Variants in TENM3 observed in about 807,000 individuals in gnomAD.
The protein encoded by TENM3 is teneurin-3.
Under a neutral mutation model 255.1 loss-of-function variants are expected in TENM3, and 63 were observed. The observed-to-expected ratio is 0.25, with a 90% CI of 0.20 to 0.30. The LOEUF (loss-of-function observed/expected upper bound fraction) is 0.30. Ranked by LOEUF, TENM3 falls within the 10% of genes least tolerant of loss-of-function variation. The probability of loss-of-function intolerance (pLI) is 1.00; values close to 1 mark genes in which losing one functional copy is unlikely to be tolerated. For synonymous variants in TENM3, 1,306 were observed against 1,322.3 expected (o/e 0.99, Z 0.27); for missense variants, 2,929 against 3,461.1 (o/e 0.85, Z 3.86).
At chr4:182,339,036 A>G (rs1026972415) in intron 2 of TENM3, among the ~76,000 whole-genome samples, 1 of 152,176 alleles carries the variant, frequency 6.6e-6, no homozygotes, top group Non-Finnish European at 1.5e-5. Context: ...TCATTTCCCC[A>G]GTGTTCCCCC....
the TENM3 span, among the ~76,000 whole-genome samples, chr4:181,867,535 A>C: frequency 6.6e-6 from 1 of 152,110 alleles, no homozygotes; most frequent in Admixed American, 6.6e-5. Context: ...TGTTTGCTTA[A>C]TTTCCTTGAA....
At chr4:182,082,736 G>T in the TENM3 span, among the ~76,000 whole-genome samples, 39 of 152,160 alleles carry the variant, frequency 2.6e-4, no homozygotes, top group Admixed American at 1.6e-3. Context: ...ATGATGCCAC[G>T]TGTGTTTTCA....
At chr4:182,599,653 ATTCAT>A (rs1319534318) in intron 3 of TENM3, among the ~76,000 whole-genome samples, 2 of 152,200 alleles carry the variant, frequency 1.3e-5, no homozygotes, top group Admixed American at 6.5e-5. Flanking sequence ...CATATTATGT[ATTCAT>A]TTCATGCAAA....
chr4:182,530,467 C>CTGCA (rs1456027882), intron 3 of TENM3, among the ~76,000 whole-genome samples: 1 of 152,196 alleles, frequency 6.6e-6, no homozygotes, highest in Non-Finnish European at 1.5e-5. Context: ...CAAGTAAGTG[C>CTGCA]TGCAGCACTC....
In TENM3 at chr4:182,736,840, A is replaced by G. The variant is rs1761210671; in HGVS notation, c.3000A>G (p.Thr1000=). 1.9e-6 allele frequency: 3 copies of G among 1,613,674 alleles called. No individual in the cohort carries two copies. Among genetic ancestry groups the G allele is most frequent in the East Asian group, 4.5e-5 (2 of 44,864 alleles). Residue 1000 remains threonine, a synonymous_variant, in exon 17 of 28, where the codon ACA becomes ACG. Coordinates refer to ENST00000511685, the MANE Select transcript of TENM3 (RefSeq NM_001080477.4). The part of the protein sequence containing the change: ...VLHEETTIPG[T]DLKLSYLSSR... Reference sequence around the variant, plus strand: ...ACGAGGAAACTACAATTCCAGGAACAGATTTGAAACTCTCCTACTTGAGTT... The same window carrying G: ...ACGAGGAAACTACAATTCCAGGAACGGATTTGAAACTCTCCTACTTGAGTT...
chr4:182,064,439 G>T, the TENM3 span, among the ~76,000 whole-genome samples: 1 of 152,002 alleles, frequency 6.6e-6, no homozygotes, highest in Non-Finnish European at 1.5e-5. Flanking sequence ...TTAGCCGGGC[G>T]TGGTGGCGGG....
chr4:181,814,573 T>C, the TENM3 span, among the ~76,000 whole-genome samples: 1 of 143,078 alleles, frequency 7.0e-6, no homozygotes, highest in Non-Finnish European at 1.5e-5. Context: ...TTACAACACA[T>C]ATATTTTTAA....
intron 24 of TENM3, 89 bp downstream of exon 24, chr4:182,775,242 C>G (rs529090067): frequency 8.8e-7 from 1 of 1,140,448 alleles, no homozygotes; most frequent in Non-Finnish European, 1.3e-6. Flanking sequence ...CTGCTCACCC[C>G]CCTATGTCTA....
intron 3 of TENM3, among the ~76,000 whole-genome samples, chr4:182,570,402 A>C (rs1744240145): frequency 6.6e-6 from 1 of 152,242 alleles, no homozygotes; most frequent in African/African-American, 2.4e-5. Flanking sequence ...ACTCCCAGGC[A>C]CAAGTCACAT....
intron 15 of TENM3, 42 bp downstream of exon 15, chr4:182,730,361 A>G (rs201361815): frequency 6.2e-7 from 1 of 1,608,112 alleles, no homozygotes; most frequent in East Asian, 2.2e-5. Flanking sequence ...GATTTGAAAT[A>G]TAAAAACTAG....
At chr4:181,475,399 C>A in the TENM3 span, among the ~76,000 whole-genome samples, 10 of 152,048 alleles carry the variant, frequency 6.6e-5, no homozygotes, top group Non-Finnish European at 1.0e-4. Context: ...TGACAGAAAA[C>A]GTAAAAATCA....
chr4:182,630,601 G>T (rs1751268889), intron 5 of TENM3, among the ~76,000 whole-genome samples: 2 of 152,078 alleles, frequency 1.3e-5, no homozygotes. Context: ...ATGCATGCTG[G>T]ACTTAATACC....
chr4:181,992,202 C>T, the TENM3 span, among the ~76,000 whole-genome samples: 2 of 152,084 alleles, frequency 1.3e-5, no homozygotes, highest in Admixed American at 6.6e-5. Context: ...AGTCTCGGTA[C>T]CTGAGAGCAA....
chr4:182,306,957 C>T (rs77101817), intron 1 of TENM3, among the ~76,000 whole-genome samples: 242 of 152,318 alleles, frequency 1.6e-3, no homozygotes, highest in African/African-American at 5.6e-3. Context: ...CACTCTGTAA[C>T]ATGACCCCAA....
chr4:181,518,475 C>T, the TENM3 span, among the ~76,000 whole-genome samples: 7 of 152,010 alleles, frequency 4.6e-5, no homozygotes, highest in Non-Finnish European at 1.0e-4. Context: ...TCACCCAGGC[C>T]GGAGTGCAGT....
intron 3 of TENM3, among the ~76,000 whole-genome samples, chr4:182,560,421 G>A (rs1415939706): frequency 6.6e-6 from 1 of 151,948 alleles, no homozygotes; most frequent in Non-Finnish European, 1.5e-5. Context: ...TTATTCCCTC[G>A]AGCTCAGTGC....
At chr4:182,075,358 C>T in the TENM3 span, among the ~76,000 whole-genome samples, 3 of 152,030 alleles carry the variant, frequency 2.0e-5, no homozygotes, top group South Asian at 2.1e-4. Flanking sequence ...GTCACCACAC[C>T]CTGCTAATTT....
chr4:182,450,838 T>C (rs968511322), intron 3 of TENM3, among the ~76,000 whole-genome samples: 4 of 152,186 alleles, frequency 2.6e-5, no homozygotes, highest in African/African-American at 7.2e-5. Flanking sequence ...GGACATGATA[T>C]CTAAAATGAG....
intron 3 of TENM3, among the ~76,000 whole-genome samples, chr4:182,597,230 C>T (rs866976890): frequency 6.6e-6 from 1 of 152,024 alleles, no homozygotes; most frequent in Admixed American, 6.6e-5. Flanking sequence ...TAGGGAAACC[C>T]CATCTCGACA....
Sources: gnomAD v4.1 joint callset for allele counts (sites outside exome capture counted in the v4.1 genomes callset) on GRCh38, gnomAD v4.1.1 for gene constraint, MANE v1.5 for transcripts, NCBI Gene and HGNC (gene_info 2026-07-23, HGNC 2026-07-21) for gene names.